Variants in NGEF observed in about 807,000 individuals in gnomAD.
NGEF encodes the protein neuronal guanine nucleotide exchange factor, also known as ephexin-1.
A neutral mutation model predicts 80.9 loss-of-function variants in NGEF; 31 were observed. The observed-to-expected ratio is 0.38, with a 90% confidence interval of 0.29 to 0.52. NGEF has a LOEUF of 0.52. Ranked by LOEUF, NGEF falls within the 20% of genes least tolerant of loss-of-function variation. The pLI is 0.84. For missense variants in NGEF, 709 were observed against 926.2 expected (o/e 0.77, Z 3.04); for synonymous variants, 371 against 370.2 (o/e 1.00, Z -0.03).
chr2:232,897,730 G>C (rs180883151), intron 5 of NGEF, among the ~76,000 whole-genome samples: 6 of 152,368 alleles, frequency 3.9e-5, no homozygotes, highest in Admixed American at 3.3e-4. Flanking sequence ...ACTTGAGACA[G>C]TGACAGTCAG....
chr2:232,949,012 C>A (rs556752904), intron 3 of NGEF, among the ~76,000 whole-genome samples: 4 of 149,020 alleles, frequency 2.7e-5, no homozygotes, highest in Non-Finnish European at 5.9e-5. Context: ...AGCAAGACTG[C>A]GTCTCAAAAA....
intron 3 of NGEF, among the ~76,000 whole-genome samples, chr2:232,962,822 AT>A (rs34851174): frequency 0.14 from 20,684 of 151,814 alleles, 4,051 homozygotes; most frequent in African/African-American, 0.42. Flanking sequence ...AGTTTGAACA[AT>A]TTAAGTTGCC....
chr2:232,918,146 C>T (rs182476725), intron 5 of NGEF, among the ~76,000 whole-genome samples: 1 of 152,160 alleles, frequency 6.6e-6, no homozygotes, highest in Admixed American at 6.5e-5. Context: ...TTAGTAAATA[C>T]GGGGTTTCAC....
Position 232,927,181 on chromosome 2 carries a change from G to A in NGEF, c.389C>T (p.Ser130Leu). The A allele has an allele frequency of 6.3e-7, 1 of 1,590,948 alleles. No individual in the cohort carries two copies. Among genetic ancestry groups the A allele is most frequent in the Non-Finnish European group, 8.5e-7 (1 of 1,170,812 alleles). Residue 130 changes from serine (S) to leucine (L), a missense_variant, in exon 4 of 15, where the codon TCG (serine) becomes TTG (leucine). Physicochemically the swap from Ser to Leu is moderately radical, Grantham distance 145. Around this residue, in one of 2 missense-constraint regions of NGEF, gnomAD observed 283 missense variants for 303.4 expected, o/e 0.93. Transcript: ENST00000264051. ...GGCCCCATTTCCCGGGGTGGAGGAC[G>A]ACTCACTGCCAGAGAGGGAGGAGGA... ...TDPGAQEMSE[S>L]SSTPGNGATP...
intron 3 of NGEF, chr2:232,927,789 A>C: frequency 6.8e-6 from 4 of 587,898 alleles, no homozygotes; most frequent in African/African-American, 2.1e-5. Context: ...GCGGAGGAGG[A>C]GTGGGGATAG....
At chr2:232,906,412 G>A (rs1273034182) in intron 5 of NGEF, among the ~76,000 whole-genome samples, 5 of 108,962 alleles carry the variant, frequency 4.6e-5, no homozygotes, top group Non-Finnish European at 8.0e-5. Flanking sequence ...TCAGCCCCCC[G>A]CCCGGTCAGC....
intron 1 of NGEF, among the ~76,000 whole-genome samples, chr2:232,989,241 A>G (rs12994934): frequency 0.53 from 80,293 of 151,602 alleles, 22,846 homozygotes; most frequent in East Asian, 0.92. Flanking sequence ...TGAGGTCAGG[A>G]GTTCAAGACC....
At chr2:232,906,771 C>T (rs917630272) in intron 5 of NGEF, among the ~76,000 whole-genome samples, 2 of 151,326 alleles carry the variant, frequency 1.3e-5, no homozygotes, top group African/African-American at 2.4e-5. Flanking sequence ...ATTGAGAAAT[C>T]GGATGGTTGC....
intron 1 of NGEF, among the ~76,000 whole-genome samples, chr2:232,976,543 G>A (rs567412125): frequency 6.6e-6 from 1 of 152,294 alleles, no homozygotes; most frequent in East Asian, 1.9e-4. Flanking sequence ...TGGGTAGGGG[G>A]ATTTGAAGAC....
chr2:232,927,240 T>A, intron 3 of NGEF, 54 bp from the exon 4 acceptor site: 1 of 1,503,544 alleles, frequency 6.7e-7, no homozygotes. Flanking sequence ...AGGATTCACC[T>A]CGGCTGGCTA....
intron 5 of NGEF, among the ~76,000 whole-genome samples, chr2:232,910,247 G>A (rs1266857409): frequency 1.3e-5 from 2 of 151,716 alleles, no homozygotes; most frequent in Non-Finnish European, 2.9e-5. Context: ...TGGGAGGGGG[G>A]TGGATGAAAC....
rs11678345 is a variant in NGEF at position 232,966,127 on chromosome 2, C to A, written c.383+4087G>T. Among the ~76,000 whole-genome samples, 21 of 152,156 alleles carry A rather than the reference C, an allele frequency of 1.4e-4. 1 individual carries two copies. Among genetic ancestry groups the A allele is most frequent in the South Asian group, 8.3e-4 (4 of 4,822 alleles). On this transcript the variant is annotated intron_variant, in intron 3 of 14. Coordinates refer to ENST00000264051, the MANE Select transcript of NGEF (RefSeq NM_019850.3). ...CTGCTTCTCCCTCTCCAGGTGCAGA[C>A]CCTGCCACAGCCAAAGCCCCTACCT...
chr2:232,886,105 T>C (rs566700827), intron 9 of NGEF, among the ~76,000 whole-genome samples: 55 of 78,112 alleles, frequency 7.0e-4, no homozygotes, highest in African/African-American at 2.7e-3. Flanking sequence ...GTGTGTGCCA[T>C]GTGTGCATGT....
At chr2:232,895,059 G>A (rs1174819683) in intron 5 of NGEF, 143 bp from the exon 6 acceptor site, 4 of 858,460 alleles carry the variant, frequency 4.7e-6, no homozygotes, top group Non-Finnish European at 7.1e-6. Context: ...TGGGATGGCT[G>A]CTGCAGGGGC....
At chr2:232,910,625 T>C (rs2106266284) in intron 5 of NGEF, among the ~76,000 whole-genome samples, 1 of 152,324 alleles carries the variant, frequency 6.6e-6, no homozygotes, top group African/African-American at 2.4e-5. Flanking sequence ...ACGTTTAACT[T>C]GGTAAGAAAC....
intron 3 of NGEF, among the ~76,000 whole-genome samples, chr2:232,955,594 C>T (rs1693809461): frequency 6.6e-6 from 1 of 152,152 alleles, no homozygotes; most frequent in Admixed American, 6.6e-5. Context: ...TGCGATCTCA[C>T]CGCAGCCTCC....
At chr2:232,979,548 C>G (rs954784022) in intron 1 of NGEF, among the ~76,000 whole-genome samples, 1 of 152,184 alleles carries the variant, frequency 6.6e-6, no homozygotes, top group Non-Finnish European at 1.5e-5. Flanking sequence ...AAGCTTCCCC[C>G]ACCCCAATCT....
chr2:232,886,575 G>T (rs572851359), intron 9 of NGEF, among the ~76,000 whole-genome samples: 1 of 152,120 alleles, frequency 6.6e-6, no homozygotes, highest in Non-Finnish European at 1.5e-5. Flanking sequence ...TCCTGGTATT[G>T]AGTATAATTA....
chr2:232,965,926 C>G (rs1287851623), intron 3 of NGEF, among the ~76,000 whole-genome samples: 1 of 152,134 alleles, frequency 6.6e-6, no homozygotes, highest in Non-Finnish European at 1.5e-5. Flanking sequence ...GGGCTCATTT[C>G]TTCCTCCAGA....
Sources: allele counts gnomAD v4.1 joint callset (sites outside exome capture counted in the v4.1 genomes callset), GRCh38; gene constraint gnomAD v4.1.1; regional missense constraint gnomAD v4.1.1; transcripts MANE v1.5; gene names NCBI Gene and HGNC (gene_info 2026-07-23, HGNC 2026-07-21).